Variants in DSCAM observed in about 807,000 individuals in gnomAD.
DSCAM encodes DS cell adhesion molecule.
DSCAM carries 47 observed loss-of-function variants against 217.7 expected under a neutral mutation model. The ratio of observed to expected loss-of-function variants is 0.22; its 90% CI spans 0.17 to 0.28. DSCAM has a LOEUF of 0.28. Ranked by LOEUF, DSCAM falls within the 10% of genes least tolerant of loss-of-function variation. The pLI is 1.00. For synonymous variants in DSCAM, 1,056 were observed against 1,015.3 expected (o/e 1.04, Z -0.76); for missense variants, 2,080 against 2,618.3 (o/e 0.79, Z 4.49).
chr21:40,774,705 A>T (rs138987623), intron 1 of DSCAM, among the ~76,000 whole-genome samples: 21 of 152,278 alleles, frequency 1.4e-4, no homozygotes, highest in African/African-American at 5.1e-4. Flanking sequence ...TCATGTTCAT[A>T]CTGGAAGCCA....
chr21:40,483,609 A>C (rs2076001242), intron 3 of DSCAM, among the ~76,000 whole-genome samples: 1 of 152,224 alleles, frequency 6.6e-6, no homozygotes, highest in Non-Finnish European at 1.5e-5. Flanking sequence ...GCATGTTATA[A>C]TTAAACATAA....
At chr21:40,812,245 C>A (rs1247489085) in intron 1 of DSCAM, among the ~76,000 whole-genome samples, 1 of 152,176 alleles carries the variant, frequency 6.6e-6, no homozygotes, top group Non-Finnish European at 1.5e-5. Flanking sequence ...TCATAAACTG[C>A]CACATCTCAA....
intron 3 of DSCAM, among the ~76,000 whole-genome samples, chr21:40,453,835 C>CT (rs1396732748): frequency 2.0e-5 from 3 of 152,198 alleles, no homozygotes; most frequent in Non-Finnish European, 4.4e-5. Flanking sequence ...TAATTAGTCA[C>CT]TAACAAGACT....
At chr21:40,321,508 TGTC>T (rs2074258892) in intron 8 of DSCAM, among the ~76,000 whole-genome samples, 3 of 152,326 alleles carry the variant, frequency 2.0e-5, no homozygotes, top group Admixed American at 1.3e-4. Context: ...TGCTATGTAT[TGTC>T]TACTCCAATT....
At chr21:40,548,878 T>A (rs755104410) in intron 3 of DSCAM, among the ~76,000 whole-genome samples, 5 of 152,146 alleles carry the variant, frequency 3.3e-5, no homozygotes, top group Non-Finnish European at 7.4e-5. Flanking sequence ...AAAAATCTAG[T>A]GCATTTTCCA....
At chr21:40,148,244 T>G (rs2090382082) in intron 16 of DSCAM, among the ~76,000 whole-genome samples, 1 of 152,188 alleles carries the variant, frequency 6.6e-6, no homozygotes, top group Non-Finnish European at 1.5e-5. Context: ...CAGAATAAAT[T>G]GTTGCACCTG....
chr21:40,262,514 C>T (rs770116402), intron 11 of DSCAM, among the ~76,000 whole-genome samples: 1 of 152,164 alleles, frequency 6.6e-6, no homozygotes, highest in South Asian at 2.1e-4. Context: ...CAAGACAATA[C>T]CCAATCATAG....
rs563161368 is a variant in DSCAM, at chr21:40,278,143, A to G, written c.2183-1873T>C. ...AAAGAAAATATATTGGCAAAAAACC[A>G]TAAAATATTTAGAATAAATTTAACA... On this transcript the variant is annotated intron_variant, in intron 10 of 32. Coordinates refer to ENST00000400454, the MANE Select transcript of DSCAM (RefSeq NM_001389.5). Among the ~76,000 whole-genome samples the G allele has an allele frequency of 1.2e-4, 18 of 152,342 alleles. No individual in the cohort carries two copies. In the South Asian group the frequency reaches 2.9e-3, roughly 25 times the overall value.
chr21:40,041,076 G>A (rs1000662676), intron 32 of DSCAM, among the ~76,000 whole-genome samples: 3 of 152,146 alleles, frequency 2.0e-5, no homozygotes, highest in African/African-American at 7.2e-5. Flanking sequence ...ATTATTTGCT[G>A]GATAAACTAT....
chr21:40,541,903 C>T (rs997579432), intron 3 of DSCAM, among the ~76,000 whole-genome samples: 1 of 152,194 alleles, frequency 6.6e-6, no homozygotes, highest in Non-Finnish European at 1.5e-5. Flanking sequence ...GATGTGGCAA[C>T]GCCTCTAAAA....
At chr21:40,825,555 C>A (rs1324722774) in intron 1 of DSCAM, among the ~76,000 whole-genome samples, 1 of 152,110 alleles carries the variant, frequency 6.6e-6, no homozygotes, top group Non-Finnish European at 1.5e-5. Flanking sequence ...CCACCTTAGG[C>A]AATCTGCCCA....
At chr21:40,407,590 T>C (rs1342982373) in intron 3 of DSCAM, among the ~76,000 whole-genome samples, 2 of 151,954 alleles carry the variant, frequency 1.3e-5, no homozygotes, top group Non-Finnish European at 2.9e-5. Context: ...AAGAGGGAGG[T>C]CACATGGAGG....
intron 1 of DSCAM, among the ~76,000 whole-genome samples, chr21:40,806,443 C>G (rs1232781659): frequency 6.6e-6 from 1 of 152,172 alleles, no homozygotes; most frequent in Admixed American, 6.5e-5. Flanking sequence ...TCCAGTCTAG[C>G]TCTTGCAATA....
chr21:40,581,321 C>CA (rs1210821612), intron 3 of DSCAM, among the ~76,000 whole-genome samples: 2 of 152,266 alleles, frequency 1.3e-5, no homozygotes, highest in Non-Finnish European at 2.9e-5. Flanking sequence ...CACTTTGTGT[C>CA]AATCTCTGAG....
intron 9 of DSCAM, among the ~76,000 whole-genome samples, chr21:40,301,276 T>C (rs953224242): frequency 2.6e-5 from 4 of 152,222 alleles, no homozygotes; most frequent in Non-Finnish European, 5.9e-5. Flanking sequence ...AAGCATCGCA[T>C]ATTCCCATGG....
chr21:40,511,709 C>T (rs8127847), intron 3 of DSCAM, among the ~76,000 whole-genome samples: 1 of 151,874 alleles, frequency 6.6e-6, no homozygotes, highest in East Asian at 1.9e-4. Context: ...AAAGTATTCT[C>T]GGCCGGGCGC....
intron 30 of DSCAM, among the ~76,000 whole-genome samples, chr21:40,049,902 G>A (rs191693661): frequency 5.9e-5 from 9 of 152,236 alleles, no homozygotes; most frequent in African/African-American, 1.9e-4. Context: ...CTTTTGTTTT[G>A]GGCTGCTGCT....
intron 2 of DSCAM, among the ~76,000 whole-genome samples, chr21:40,699,459 G>A (rs944508494): frequency 1.2e-4 from 18 of 152,204 alleles, no homozygotes; most frequent in African/African-American, 3.9e-4. Flanking sequence ...TAGTGATGAA[G>A]GCATATCAAA....
chr21:40,212,943 A>C (rs1175250702), intron 11 of DSCAM, among the ~76,000 whole-genome samples: 1 of 152,226 alleles, frequency 6.6e-6, no homozygotes, highest in Non-Finnish European at 1.5e-5. Flanking sequence ...CCACAGGCTC[A>C]GCAGTGTGAA....
Sources: allele counts gnomAD v4.1 joint callset (sites outside exome capture counted in the v4.1 genomes callset), GRCh38; gene constraint gnomAD v4.1.1; transcripts MANE v1.5; gene names NCBI Gene and HGNC (gene_info 2026-07-23, HGNC 2026-07-21).